Variants in KMT5B observed in about 807,000 individuals in gnomAD.
KMT5B encodes lysine methyltransferase 5B.
Under a neutral mutation model 83.2 loss-of-function variants are expected in KMT5B, and 10 were observed. The observed-to-expected ratio is 0.12, with a 90% CI of 0.07 to 0.20. KMT5B has a LOEUF of 0.20. Among genes scored for constraint, KMT5B ranks in the 10% least tolerant of loss-of-function variants. The pLI is 1.00. For synonymous variants in KMT5B, 349 were observed against 388.8 expected (o/e 0.90, Z 1.20); for missense variants, 753 against 1,067.2 (o/e 0.71, Z 4.10).
chr11:68,210,477 G>A (rs936722749), intron 1 of KMT5B, among the ~76,000 whole-genome samples: 2 of 152,184 alleles, frequency 1.3e-5, no homozygotes, highest in African/African-American at 2.4e-5. Context: ...AGTGACCTCA[G>A]AGTCGTTTTG....
intron 3 of KMT5B, 34 bp from the exon 4 acceptor site, chr11:68,180,234 A>G (rs1260324067): frequency 6.5e-7 from 1 of 1,546,064 alleles, no homozygotes; most frequent in Admixed American, 1.8e-5. Flanking sequence ...ACAAAAATAA[A>G]AAGCTATTTG....
At chr11:68,196,962 T>A (rs555811794) in intron 1 of KMT5B, among the ~76,000 whole-genome samples, 10 of 152,132 alleles carry the variant, frequency 6.6e-5, no homozygotes, top group African/African-American at 2.4e-4. Flanking sequence ...AGGTTATCCA[T>A]GGAGAGTCTT....
chr11:68,199,563 C>T (rs931149951), intron 1 of KMT5B, among the ~76,000 whole-genome samples: 7 of 152,188 alleles, frequency 4.6e-5, no homozygotes, highest in Admixed American at 3.3e-4. Flanking sequence ...TGGGCCTTTA[C>T]TCCCAGTGAG....
intron 1 of KMT5B, among the ~76,000 whole-genome samples, chr11:68,197,253 G>A (rs910407827): frequency 1.3e-5 from 2 of 152,066 alleles, no homozygotes; most frequent in African/African-American, 2.4e-5. Flanking sequence ...AATTACAGGC[G>A]TGAGCCACCA....
intron 1 of KMT5B, among the ~76,000 whole-genome samples, chr11:68,199,512 CTGCCA>C (rs1161452413): frequency 6.6e-6 from 1 of 152,116 alleles, no homozygotes; most frequent in Non-Finnish European, 1.5e-5. Context: ...GTCAGAGAGG[CTGCCA>C]CAGGGAAGAA....
intron 10 of KMT5B, among the ~76,000 whole-genome samples, chr11:68,161,286 T>C (rs1854843591): frequency 1.3e-5 from 2 of 152,194 alleles, no homozygotes; most frequent in African/African-American, 2.4e-5. Context: ...CAAGGTGGAC[T>C]GAATGGACGT....
intron 4 of KMT5B, among the ~76,000 whole-genome samples, chr11:68,175,570 A>G (rs1395873104): frequency 6.6e-6 from 1 of 152,244 alleles, no homozygotes; most frequent in Non-Finnish European, 1.5e-5. Context: ...GAGACACAAA[A>G]TCAAAGCTCT....
chr11:68,180,062 A>T, intron 4 of KMT5B, 70 bp downstream of exon 4: 3 of 1,479,682 alleles, frequency 2.0e-6, no homozygotes, highest in Non-Finnish European at 2.7e-6. Context: ...ATTACTTAAC[A>T]TAAAAGAACA....
intron 2 of KMT5B, among the ~76,000 whole-genome samples, chr11:68,188,000 C>T (rs1394032203): frequency 6.6e-6 from 1 of 151,932 alleles, no homozygotes; most frequent in Non-Finnish European, 1.5e-5. Context: ...TAAAGTGTAA[C>T]CAAAGTAATG....
intron 10 of KMT5B, among the ~76,000 whole-genome samples, chr11:68,161,196 A>T (rs1449164396): frequency 1.3e-5 from 2 of 152,154 alleles, no homozygotes; most frequent in African/African-American, 4.8e-5. Flanking sequence ...TGTGATAGCA[A>T]ATTTTTTTTT....
chr11:68,189,142 A>G (rs971386368), intron 2 of KMT5B, among the ~76,000 whole-genome samples: 37 of 152,276 alleles, frequency 2.4e-4, no homozygotes, highest in Admixed American at 1.9e-3. Context: ...GCCAATGCCA[A>G]TCTGAATTAA....
chr11:68,171,990 T>C lies in KMT5B; in HGVS notation c.654-281A>G, dbSNP rs961298703. Among the ~76,000 whole-genome samples, 1 of 135,674 alleles carries C rather than the reference T, an allele frequency of 7.4e-6. No individual in the cohort carries two copies. Among genetic ancestry groups the C allele is most frequent in the Non-Finnish European group, 1.6e-5 (1 of 62,624 alleles). The allele number at this position is 135,674 out of a possible 152,430, so 89.0% of individuals were successfully genotyped here. On this transcript the variant is annotated intron_variant, in intron 6 of 10. Coordinates refer to ENST00000304363, the MANE Select transcript of KMT5B (RefSeq NM_017635.5). This position sits in a 1 kb window ranked among gnomAD's most constrained non-coding sequence, Gnocchi z 5.1. Reference sequence around the variant, plus strand: ...ACCTATGTCTCTGAATGCCCTGGTGTGGTGTTTTGCAAGCAGAAAGTACTC... The same window carrying C: ...ACCTATGTCTCTGAATGCCCTGGTGCGGTGTTTTGCAAGCAGAAAGTACTC...
At chr11:68,210,634 G>T (rs953514557) in intron 1 of KMT5B, among the ~76,000 whole-genome samples, 20 of 152,110 alleles carry the variant, frequency 1.3e-4, no homozygotes, top group African/African-American at 4.6e-4. Context: ...TACGGCCCTA[G>T]AAGATGGCCT....
At chr11:68,191,599 G>C (rs1290480373) in intron 1 of KMT5B, among the ~76,000 whole-genome samples, 1 of 152,186 alleles carries the variant, frequency 6.6e-6, no homozygotes, top group African/African-American at 2.4e-5. Context: ...CTCCGAAAGT[G>C]CTGGGATTAT....
intron 1 of KMT5B, among the ~76,000 whole-genome samples, chr11:68,209,677 C>G (rs923785022): frequency 6.6e-6 from 1 of 152,158 alleles, no homozygotes; most frequent in Admixed American, 6.5e-5. Context: ...AGCACTACAA[C>G]AAGGAGGCTA....
chr11:68,213,472 C>G (rs1345153800), upstream of KMT5B: 1 of 149,016 alleles, frequency 6.7e-6, no homozygotes, highest in East Asian at 2.0e-4. Context: ...CACCCGGGGC[C>G]TCACCTCGCC....
At chr11:68,165,627 G>T in intron 10 of KMT5B, 1 of 815,730 alleles carries the variant, frequency 1.2e-6, no homozygotes, top group South Asian at 2.8e-5. Context: ...GTGCCACCAT[G>T]CCTGGCTTTT....
At chr11:68,160,040 T>A (rs941761644) in intron 10 of KMT5B, among the ~76,000 whole-genome samples, 7 of 152,268 alleles carry the variant, frequency 4.6e-5, no homozygotes, top group Non-Finnish European at 1.0e-4. Flanking sequence ...TGATTCCATT[T>A]GAGAATGAGC....
intron 5 of KMT5B, among the ~76,000 whole-genome samples, chr11:68,174,597 T>G (rs1856169642): frequency 6.6e-6 from 1 of 152,208 alleles, no homozygotes; most frequent in South Asian, 2.1e-4. Flanking sequence ...GGCATGATCA[T>G]AGCTCAGAGC....
Sources: allele counts gnomAD v4.1 joint callset (sites outside exome capture counted in the v4.1 genomes callset), GRCh38; gene constraint gnomAD v4.1.1; non-coding constraint Gnocchi (gnomAD v3.1); transcripts MANE v1.5; gene names NCBI Gene and HGNC (gene_info 2026-07-23, HGNC 2026-07-21).